Variants in ALLC observed in about 807,000 individuals in gnomAD.
The protein encoded by ALLC is probable inactive allantoicase.
In ALLC, 40 loss-of-function variants were observed where a neutral mutation model predicts 45.0. That is an observed-to-expected ratio of 0.89 (90% CI 0.69 to 1.16). The LOEUF is 1.16. Ranked by LOEUF, ALLC falls within the 50% of genes most tolerant of loss-of-function variation. The pLI is 0.00. For missense variants in ALLC, 488 were observed against 493.1 expected (o/e 0.99, Z 0.10); for synonymous variants, 176 against 178.1 (o/e 0.99, Z 0.09).
chr2:3,671,370 C>T (rs1558536972), intron 2 of ALLC, among the ~76,000 whole-genome samples, 180 bp downstream of exon 2: 1 of 152,268 alleles, frequency 6.6e-6, no homozygotes, highest in Admixed American at 6.5e-5. Context: ...GGTGACAATT[C>T]TCAGCAAGGA....
upstream of ALLC, among the ~76,000 whole-genome samples, chr2:3,653,460 T>C (rs1484944645): frequency 6.6e-6 from 1 of 152,226 alleles, no homozygotes; most frequent in Non-Finnish European, 1.5e-5. This position sits in a 1 kb window ranked among gnomAD's most constrained non-coding sequence, Gnocchi z 4.1. Flanking sequence ...ACTGAAGGCC[T>C]GGTGGCCCAA....
At position 3,701,746 on chromosome 2, in the gene ALLC, A is replaced by C. The variant is rs1667844976; in HGVS notation, c.975+110A>C. 4.6e-6 allele frequency: 6 copies of C among 1,312,748 alleles called. No homozygotes were observed. In the South Asian group the frequency reaches 1.2e-4, roughly 26 times the overall value. 81.3% of individuals were successfully genotyped at this position (1,312,748 alleles called of 1,614,324 possible). A position where few individuals can be genotyped will look rare whatever the true frequency, so the allele number is the denominator to read the frequency against. On this transcript the variant is annotated intron_variant, in intron 11 of 11. Coordinates refer to ENST00000252505, the MANE Select transcript of ALLC (RefSeq NM_018436.4). Reference sequence around the variant, plus strand: ...AAAGTTTCTGCTCAGTTTAATGGTAAAACGAATGAGGTTTAAAACCCCTAT... The same window carrying C: ...AAAGTTTCTGCTCAGTTTAATGGTACAACGAATGAGGTTTAAAACCCCTAT...
chr2:3,667,463 C>T (rs568534087), intron 1 of ALLC, among the ~76,000 whole-genome samples: 1 of 152,348 alleles, frequency 6.6e-6, no homozygotes, highest in East Asian at 1.9e-4. Context: ...CTTCCAGGGG[C>T]TTTCCGCTAT....
upstream of ALLC, among the ~76,000 whole-genome samples, chr2:3,655,004 CCTCT>C (rs1435967966): frequency 6.6e-6 from 1 of 152,250 alleles, no homozygotes; most frequent in Non-Finnish European, 1.5e-5. Context: ...CTCCCTGGAC[CCTCT>C]CTCAGCCTGC....
intron 3 of ALLC, 49 bp from the exon 4 acceptor site, chr2:3,678,419 G>A (rs1667081754): frequency 6.6e-7 from 1 of 1,504,050 alleles, no homozygotes; most frequent in African/African-American, 1.4e-5. Context: ...CTGGAAGCCA[G>A]GAGATCACAT....
At chr2:3,668,566 CTTTTTTTTTTTT>C (rs1173613810) in intron 1 of ALLC, among the ~76,000 whole-genome samples, 5 of 71,886 alleles carry the variant, frequency 7.0e-5, no homozygotes, top group East Asian at 9.0e-4. Context: ...ATGTGTATGA[CTTTTTTTTTTTT>C]TTTTTTTTTT....
intron 1 of ALLC, among the ~76,000 whole-genome samples, chr2:3,661,094 C>T (rs1462633304): frequency 6.6e-6 from 1 of 152,098 alleles, no homozygotes; most frequent in African/African-American, 2.4e-5. Context: ...CATTCACAAC[C>T]CGTCCCCCTC....
At chr2:3,660,906 C>CTGAATGAGTCAGGGTGGAGCAGGTGATCA (rs1558532936) in intron 1 of ALLC, among the ~76,000 whole-genome samples, 12 of 151,896 alleles carry the variant, frequency 7.9e-5, no homozygotes, top group South Asian at 2.1e-4. Flanking sequence ...AGCAGGTGAT[C>CTGAATGAGTCAGGGTGGAGCAGGTGATCA]AAAAAAGGTT....
Position 3,685,463 on chromosome 2 carries a change from CA to C in ALLC, c.511+2390del, listed in dbSNP as rs1263148160. Among the ~76,000 whole-genome samples, 3 of 149,804 alleles carry C rather than the reference CA, an allele frequency of 2.0e-5. No individual in the cohort carries two copies. The South Asian group carries it at 6.3e-4, about 32-fold the overall frequency. On this transcript the variant is annotated intron_variant, in intron 7 of 11. Transcript: ENST00000252505. ...AGAGAGAGACAGAGAGAGAGAGAGACAGAGACAGACAGACAGAGAGAGACAG... is the reference window on the plus strand; with the variant it reads ...AGAGAGAGACAGAGAGAGAGAGAGACGAGACAGACAGACAGAGAGAGACAG...
At chr2:3,647,757 C>T in the ALLC span, among the ~76,000 whole-genome samples, 62 of 152,068 alleles carry the variant, frequency 4.1e-4, no homozygotes, top group African/African-American at 1.3e-3. Context: ...TGGACACTAG[C>T]GTTGTCTCAG....
chr2:3,654,772 C>T (rs1666405625), upstream of ALLC, among the ~76,000 whole-genome samples: 1 of 152,254 alleles, frequency 6.6e-6, no homozygotes, highest in Admixed American at 6.5e-5. Context: ...CAGTTCTGGA[C>T]TTCATGCCCC....
At chr2:3,670,692 G>T (rs1335609680) in intron 1 of ALLC, among the ~76,000 whole-genome samples, 3 of 152,158 alleles carry the variant, frequency 2.0e-5, no homozygotes, top group African/African-American at 7.2e-5. Flanking sequence ...TCTAGCCAGG[G>T]CCTGCCACCC....
In ALLC at chr2:3,701,611, G is replaced by A. The variant is rs971626439; in HGVS notation, c.950G>A (p.Trp317Ter). 3 of 1,611,466 alleles carry A rather than the reference G, an allele frequency of 1.9e-6. No individual in the cohort carries two copies. The highest frequency in any genetic ancestry group is 1.3e-5 in the African/African-American group (1 of 74,874). The change falls in exon 11 of 12, where the codon TGG becomes TAG. Residue 317 changes from tryptophan (W) to a stop codon, truncating the protein, a stop_gained. Transcript: ENST00000252505. LOFTEE classifies it high-confidence loss of function. ...RQKWILPAHK[W>*]KPLLPVTKLS... Reference sequence around the variant, plus strand: ...AAGTGGATTCTCCCGGCCCACAAGTGGAAACCACTGCTTCCAGTGACCAAG... The same window carrying A: ...AAGTGGATTCTCCCGGCCCACAAGTAGAAACCACTGCTTCCAGTGACCAAG...
the ALLC span, among the ~76,000 whole-genome samples, chr2:3,651,314 G>GTGTGTGTGTGTGTGT: frequency 2.0e-4 from 1 of 4,922 alleles, no homozygotes; most frequent in East Asian, 7.8e-3. Flanking sequence ...GTGGGTGGGT[G>GTGTGTGTGTGTGTGT]GGGGGGGTGT....
chr2:3,687,769 G>A (rs73910329), intron 7 of ALLC, among the ~76,000 whole-genome samples: 3,002 of 150,948 alleles, frequency 0.02, 129 homozygotes, highest in African/African-American at 0.069. Flanking sequence ...GTAATTCTGT[G>A]GTCACATTTC....
chr2:3,654,817 G>GCAACT (rs1666406575), upstream of ALLC, among the ~76,000 whole-genome samples: 1 of 152,248 alleles, frequency 6.6e-6, no homozygotes, highest in African/African-American at 2.4e-5. Flanking sequence ...CAGGGCATTT[G>GCAACT]CAACTCTGCC....
chr2:3,664,479 G>A (rs575913082), intron 1 of ALLC, among the ~76,000 whole-genome samples: 2 of 152,324 alleles, frequency 1.3e-5, no homozygotes, highest in Admixed American at 1.3e-4. Flanking sequence ...GTTCTCTAGA[G>A]AAGCTTGCAG....
At position 3,696,316 on chromosome 2, in the gene ALLC, G is replaced by C. The variant is rs775882081; in HGVS notation, c.709G>C (p.Ala237Pro). Reference protein sequence around the residue: ...AKSMADGWETARRLDRPPILE... With the variant: ...AKSMADGWETPRRLDRPPILE... ...GTCTATGGCGGATGGTTGGGAAACT[G>C]CAAGAAGGCTGGACCGGCCACCAAT... The change falls in exon 9 of 12, where the codon GCA becomes CCA. Residue 237 changes from alanine to proline, a missense_variant. By Grantham distance (27) the Ala-to-Pro change is conservative (BLOSUM62 -1). Transcript: ENST00000252505. The C allele has an allele frequency of 4.3e-6, 7 of 1,613,632 alleles. No homozygotes were observed. Among genetic ancestry groups the C allele is most frequent in the Non-Finnish European group, 5.1e-6 (6 of 1,179,742 alleles).
At chr2:3,694,335 G>A (rs1365210903) in intron 7 of ALLC, among the ~76,000 whole-genome samples, 1 of 152,166 alleles carries the variant, frequency 6.6e-6, no homozygotes, top group Non-Finnish European at 1.5e-5. Context: ...TGCTCCATGA[G>A]GATTCCACCT....
Sources: allele counts gnomAD v4.1 joint callset (sites outside exome capture counted in the v4.1 genomes callset), GRCh38; gene constraint gnomAD v4.1.1; non-coding constraint Gnocchi (gnomAD v3.1); transcripts MANE v1.5; gene names NCBI Gene and HGNC (gene_info 2026-07-23, HGNC 2026-07-21).